BCL7C: variants seen among roughly 807,000 people sequenced by gnomAD.
BCL7C encodes BAF chromatin remodeling complex subunit BCL7C.
A neutral mutation model predicts 26.2 loss-of-function variants in BCL7C; 8 were observed. That is an observed-to-expected ratio of 0.30 (90% CI 0.18 to 0.55). The LOEUF is 0.55. Ranked by LOEUF, BCL7C falls within the 20% of genes least tolerant of loss-of-function variation. The pLI, the probability that BCL7C is intolerant of heterozygous loss-of-function variation, is 0.93. For synonymous variants in BCL7C, 90 were observed against 116.5 expected, an observed-to-expected ratio of 0.77 and a Z score of 1.47; for missense variants, 262 against 298.5, an observed-to-expected ratio of 0.88 and a Z score of 0.90.
chr16:30,842,141 G>T (rs890951832), intron 5 of BCL7C, among the ~76,000 whole-genome samples: 9 of 151,826 alleles, frequency 5.9e-5, no homozygotes, highest in African/African-American at 1.9e-4. Context: ...GTTAGGGTGG[G>T]CTCTAATTCA....
intron 5 of BCL7C, among the ~76,000 whole-genome samples, chr16:30,837,390 T>C (rs1184226808): frequency 6.6e-6 from 1 of 151,910 alleles, no homozygotes; most frequent in Admixed American, 6.6e-5. Flanking sequence ...AGTTTTGCTC[T>C]TGTTGCCCAG....
intron 5 of BCL7C, among the ~76,000 whole-genome samples, chr16:30,848,352 C>A (rs1051170245): frequency 2.0e-5 from 3 of 152,118 alleles, no homozygotes; most frequent in African/African-American, 7.2e-5. Context: ...CCAAGTAAGG[C>A]TGCAGGAAAT....
At chr16:30,841,271 T>C in intron 5 of BCL7C, among the ~76,000 whole-genome samples, 1 of 152,166 alleles carries the variant, frequency 6.6e-6, no homozygotes. Context: ...CTCACCCCAA[T>C]TCATATGAAG....
At chr16:30,878,669 C>T (rs1338237799) in intron 5 of BCL7C, among the ~76,000 whole-genome samples, 1 of 150,824 alleles carries the variant, frequency 6.6e-6, no homozygotes, top group Non-Finnish European at 1.5e-5. Context: ...ATGGTGAAAC[C>T]CAGTCTCTAC....
chr16:30,867,232 T>A (rs1055095447), intron 5 of BCL7C, among the ~76,000 whole-genome samples: 1 of 152,224 alleles, frequency 6.6e-6, no homozygotes, highest in East Asian at 1.9e-4. Flanking sequence ...ATTGAGATTC[T>A]GACCATGTTT....
At chr16:30,843,230 T>C (rs2151360201) in intron 5 of BCL7C, among the ~76,000 whole-genome samples, 1 of 152,296 alleles carries the variant, frequency 6.6e-6, no homozygotes, top group Non-Finnish European at 1.5e-5. Context: ...CAGGAGGTCA[T>C]AGACACTAAT....
At chr16:30,836,744 G>C (rs2054571790) in intron 5 of BCL7C, among the ~76,000 whole-genome samples, 1 of 151,780 alleles carries the variant, frequency 6.6e-6, no homozygotes, top group Admixed American at 6.6e-5. Flanking sequence ...CCAAAGTGCT[G>C]GGATTACAGG....
intron 5 of BCL7C, among the ~76,000 whole-genome samples, chr16:30,837,748 G>A (rs1223305150): frequency 1.3e-5 from 2 of 152,212 alleles, no homozygotes; most frequent in African/African-American, 4.8e-5. Flanking sequence ...AGGGCAGGGG[G>A]TGGTAGCAGG....
intron 5 of BCL7C, among the ~76,000 whole-genome samples, chr16:30,882,068 C>T (rs1040655784): frequency 1.3e-5 from 2 of 151,874 alleles, no homozygotes; most frequent in Admixed American, 6.6e-5. Flanking sequence ...TCAAGTGAAT[C>T]TCCCATCTCA....
chr16:30,893,933 C>A lies in BCL7C; in HGVS notation c.12G>T (p.Arg4=), dbSNP rs752194977. ...GGCTCCGGGTCTCGGCCCGTACAGT[C>A]CGGCCGGCCATGCTGGCGGGGCTGG... MAG[R]TVRAETRSRA... is the part of the protein sequence containing the mutation. Residue 4 remains arginine, a synonymous_variant, in exon 1 of 6, where the codon CGG becomes CGT. Coordinates refer to ENST00000215115, the MANE Select transcript of BCL7C (RefSeq NM_004765.4). This position sits in a 1 kb window ranked among gnomAD's most constrained non-coding sequence, Gnocchi z 5.2. 15 of 1,566,214 alleles carry A rather than the reference C, an allele frequency of 9.6e-6. No individual in the cohort carries two copies. Among genetic ancestry groups the A allele is most frequent in the Non-Finnish European group, 1.3e-5 (15 of 1,160,980 alleles).
intron 5 of BCL7C, among the ~76,000 whole-genome samples, chr16:30,866,564 G>A (rs562576412): frequency 1.5e-5 from 2 of 136,454 alleles, no homozygotes; most frequent in Admixed American, 1.5e-4. Context: ...CCAAAATAGC[G>A]AGACTGTCTG....
In BCL7C at chr16:30,860,504, C is replaced by T. The variant is rs193280160; in HGVS notation, c.529-25356G>A. On this transcript the variant is annotated intron_variant, in intron 5 of 5. Coordinates refer to the BCL7C transcript ENST00000380317. ...CTGTGTTCTCAAAAACTTAAAACCT[C>T]TTCAACTCACACCTGACCTAAAACC... 1.6e-4 allele frequency among the ~76,000 whole-genome samples: 24 copies of T among 152,310 alleles called. No homozygotes were observed. The East Asian group carries it at 4.6e-3, about 29-fold the overall frequency.
At chr16:30,835,053 T>A in exon 6 of BCL7C, 1 of 1,548,816 alleles carries the variant, frequency 6.5e-7, no homozygotes, top group Admixed American at 2.0e-5. Flanking sequence ...GCCGGACATT[T>A]GTCCGGAGGC....
At chr16:30,849,613 G>A (rs1178568249) in intron 5 of BCL7C, among the ~76,000 whole-genome samples, 4 of 151,934 alleles carry the variant, frequency 2.6e-5, no homozygotes, top group Non-Finnish European at 5.9e-5. Flanking sequence ...CACCTGCCTG[G>A]CTAATTTTTA....
intron 5 of BCL7C, among the ~76,000 whole-genome samples, chr16:30,870,130 C>T (rs990409215): frequency 6.6e-6 from 1 of 152,150 alleles, no homozygotes; most frequent in Non-Finnish European, 1.5e-5. Flanking sequence ...CATCACATTC[C>T]TGTTCCCCAG....
chr16:30,849,736 C>T (rs2054659502), intron 5 of BCL7C, among the ~76,000 whole-genome samples: 1 of 147,666 alleles, frequency 6.8e-6, no homozygotes, highest in African/African-American at 2.5e-5. Context: ...TAGGCATGAG[C>T]CCCTGTGCCT....
intron 5 of BCL7C, among the ~76,000 whole-genome samples, chr16:30,853,045 C>T (rs753097642): frequency 1.3e-4 from 20 of 151,940 alleles, no homozygotes; most frequent in South Asian, 4.1e-4. Flanking sequence ...AAGCGATTCT[C>T]CTGTCTCTGC....
intron 5 of BCL7C, among the ~76,000 whole-genome samples, chr16:30,879,555 C>A (rs1189751364): frequency 6.6e-6 from 1 of 151,522 alleles, no homozygotes; most frequent in Non-Finnish European, 1.5e-5. Context: ...TCACCCAATC[C>A]GTTACTTTAA....
At chr16:30,850,209 C>CAAAAAA (rs778231654) in intron 5 of BCL7C, among the ~76,000 whole-genome samples, 4 of 86,542 alleles carry the variant, frequency 4.6e-5, no homozygotes, top group East Asian at 5.6e-4. Flanking sequence ...GACTCCATCT[C>CAAAAAA]AAAAAAAAAA....
Sources: gnomAD v4.1 joint callset for allele counts (sites outside exome capture counted in the v4.1 genomes callset) on GRCh38, gnomAD v4.1.1 for gene constraint, Gnocchi (gnomAD v3.1) non-coding constraint, MANE v1.5 for transcripts, NCBI Gene and HGNC (gene_info 2026-07-23, HGNC 2026-07-21) for gene names.